NSD1: variants seen among roughly 807,000 people sequenced by gnomAD.
NSD1 encodes the protein histone-lysine N-methyltransferase, H3 lysine-36 specific.
In NSD1, 26 loss-of-function variants were observed where a neutral mutation model predicts 242.7. The observed-to-expected ratio is 0.11, with a 90% CI of 0.08 to 0.15. The LOEUF is 0.15. NSD1 is among the 10% of genes least tolerant of loss of function. NSD1 has a pLI of 1.00. For missense variants in NSD1, 2,495 were observed against 3,272.8 expected (o/e 0.76, Z 5.80); for synonymous variants, 1,106 against 1,178.1 (o/e 0.94, Z 1.25).
At chr5:177,276,973 A>G (rs1758442196) in intron 17 of NSD1, among the ~76,000 whole-genome samples, 1 of 152,240 alleles carries the variant, frequency 6.6e-6, no homozygotes, top group Non-Finnish European at 1.5e-5. Flanking sequence ...GTTAGGCCTC[A>G]GAAATGGAAA....
intron 3 of NSD1, among the ~76,000 whole-genome samples, chr5:177,198,784 C>T (rs935936057): frequency 2.6e-5 from 4 of 152,128 alleles, no homozygotes; most frequent in African/African-American, 9.7e-5. Context: ...TAGTGATAGT[C>T]TTTATCCAGG....
At chr5:177,275,496 C>T (rs1389426553) in intron 17 of NSD1, among the ~76,000 whole-genome samples, 35 of 127,134 alleles carry the variant, frequency 2.8e-4, no homozygotes, top group Non-Finnish European at 4.4e-4. Context: ...TGCAGTGGCA[C>T]GATCTTGGCT....
At position 177,135,320 on chromosome 5, in the gene NSD1, C is replaced by A; in HGVS notation, c.217C>A (p.Arg73=). Reference sequence around the variant, plus strand: ...TTCTCCATCTTGTTACATTCCACTGCGGAGACTACAGGATTTGGCCTCCAT... The same window carrying A: ...TTCTCCATCTTGTTACATTCCACTGAGGAGACTACAGGATTTGGCCTCCAT... ...QDSPSCYIPL[R]RLQDLASMIN... Residue 73 remains arginine (R), a synonymous_variant, in exon 2 of 23, where the codon CGG becomes AGG. Transcript: ENST00000439151. 1 of 1,613,178 alleles carries A rather than the reference C, an allele frequency of 6.2e-7. No individual in the cohort carries two copies. The highest frequency in any genetic ancestry group is 8.5e-7 in the Non-Finnish European group (1 of 1,179,174).
At chr5:177,206,010 TA>T (rs970155736) in intron 4 of NSD1, among the ~76,000 whole-genome samples, 19 of 152,182 alleles carry the variant, frequency 1.2e-4, no homozygotes, top group African/African-American at 4.6e-4. Flanking sequence ...TTATTATTAT[TA>T]TTTTTTTAAA....
intron 16 of NSD1, 50 bp from the exon 17 acceptor site, chr5:177,273,622 G>A: frequency 7.4e-7 from 1 of 1,358,246 alleles, no homozygotes; most frequent in African/African-American, 1.4e-5. Context: ...GAATAAATAA[G>A]TAATTCCACC....
chr5:177,161,734 G>A lies in NSD1; in HGVS notation c.927+25704G>A, dbSNP rs1581169892. Among the ~76,000 whole-genome samples, 5 of 141,950 alleles carry A rather than the reference G, an allele frequency of 3.5e-5. No individual in the cohort carries two copies. The South Asian group carries it at 6.6e-4, about 19-fold the overall frequency. 93.1% of individuals were successfully genotyped at this position (141,950 alleles called of 152,430 possible). On this transcript the variant is annotated intron_variant, in intron 2 of 22. Coordinates refer to ENST00000439151, the MANE Select transcript of NSD1 (RefSeq NM_022455.5). ...GAGATAGAGTCCAGCCTGGAGTGCT[G>A]TGGCATGATCTTGGCACACTTGCAA...
chr5:177,269,839 C>A lies in NSD1; in HGVS notation c.5509+32C>A. 1 of 1,567,800 alleles carries A rather than the reference C, an allele frequency of 6.4e-7. No homozygotes were observed. ...TTATCCTTTTTGTTTCTCAGGCAAACACAGACCTCTGTTACCTGAGTGTCT... is the reference window on the plus strand; with the variant it reads ...TTATCCTTTTTGTTTCTCAGGCAAAAACAGACCTCTGTTACCTGAGTGTCT... On this transcript the variant is annotated intron_variant, in intron 16 of 22. Transcript: ENST00000439151. The surrounding 1 kb of genome is among the most constrained non-coding windows in gnomAD (Gnocchi z 5.1).
Position 177,135,588 on chromosome 5 carries a change from C to T in NSD1, c.485C>T (p.Ala162Val), listed in dbSNP as rs2149756155. 6.2e-7 allele frequency: 1 copy of T among 1,614,142 alleles called. No individual in the cohort carries two copies. The highest frequency in any genetic ancestry group is 8.5e-7 in the Non-Finnish European group (1 of 1,180,028). The change falls in exon 2 of 23, where the codon GCA becomes GTA. Residue 162 changes from alanine to valine, a missense_variant. Ala to Val is a moderately conservative substitution (Grantham distance 64, BLOSUM62 0). Coordinates refer to ENST00000439151, the MANE Select transcript of NSD1 (RefSeq NM_022455.5). ...GAGAATTTTACTTGTGTGGACGATG[C>T]AGATGTAGATTCTGAAATGGACCCA... ...HFENFTCVDD[A>V]DVDSEMDPEQ...
At chr5:177,201,637 C>A (rs1247992614) in intron 3 of NSD1, among the ~76,000 whole-genome samples, 4 of 150,910 alleles carry the variant, frequency 2.7e-5, no homozygotes, top group African/African-American at 9.7e-5. Context: ...CAGCTCACTG[C>A]AACCCCCGCC....
At chr5:177,225,169 C>T (rs927036823) in intron 5 of NSD1, among the ~76,000 whole-genome samples, 1 of 152,040 alleles carries the variant, frequency 6.6e-6, no homozygotes, top group Non-Finnish European at 1.5e-5. Flanking sequence ...ATTTTTGAGA[C>T]GGAGTTTCGC....
At position 177,257,106 on chromosome 5, in the gene NSD1, A is replaced by G. The variant is rs747482559; in HGVS notation, c.4921A>G (p.Ile1641Val). The part of the protein sequence containing the change: ...KGFRCSLHIC[I>V]TCHAANPANV... ...CTTCCGGTGCTCCCTCCACATCTGT[A>G]TAACCTGTCATGCTGCTAATCCAGC... The change falls in exon 13 of 23, where the codon ATA becomes GTA. Residue 1641 changes from isoleucine to valine, a missense_variant. Physicochemically the swap from Ile to Val is conservative, Grantham distance 29. Transcript: ENST00000439151. 1 of 1,614,112 alleles carries G rather than the reference A, an allele frequency of 6.2e-7. No homozygotes were observed. Among genetic ancestry groups the G allele is most frequent in the Non-Finnish European group, 8.5e-7 (1 of 1,180,014 alleles).
rs776629847 is a variant in NSD1, at chr5:177,146,351, G to A, written c.927+10321G>A. Among the ~76,000 whole-genome samples, 14 of 151,738 alleles carry A rather than the reference G, an allele frequency of 9.2e-5. No homozygotes were observed. The East Asian group carries it at 1.2e-3, about 13-fold the overall frequency. ...CTCCTGAGTAGCTGGGACTACAGGC[G>A]TGTGCTATGACGCCCAGCTAGTTTT... On this transcript the variant is annotated intron_variant, in intron 2 of 22. Transcript: ENST00000439151.
chr5:177,278,751 C>T (rs1581521441), intron 17 of NSD1, among the ~76,000 whole-genome samples: 1 of 152,182 alleles, frequency 6.6e-6, no homozygotes, highest in East Asian at 1.9e-4. Flanking sequence ...CAAAATCACA[C>T]AGTTCCTGAA....
At chr5:177,214,081 C>T (rs1215112840) in intron 5 of NSD1, among the ~76,000 whole-genome samples, 1 of 152,050 alleles carries the variant, frequency 6.6e-6, no homozygotes, top group African/African-American at 2.4e-5. Flanking sequence ...CCTGTAATTC[C>T]AGCACTCTGG....
At chr5:177,287,821 A>G (rs1158615410) in intron 20 of NSD1, among the ~76,000 whole-genome samples, 5 of 152,184 alleles carry the variant, frequency 3.3e-5, no homozygotes, top group Middle Eastern at 3.2e-3. Context: ...TGCTACTCCT[A>G]CAGCATGACC....
At chr5:177,192,848 T>C (rs771079702) in intron 3 of NSD1, among the ~76,000 whole-genome samples, 4 of 152,202 alleles carry the variant, frequency 2.6e-5, no homozygotes, top group Non-Finnish European at 5.9e-5. Flanking sequence ...ACATTCTCAA[T>C]TATTCTGTTG....
At chr5:177,150,284 C>T (rs1215671015) in intron 2 of NSD1, among the ~76,000 whole-genome samples, 1 of 152,090 alleles carries the variant, frequency 6.6e-6, no homozygotes, top group African/African-American at 2.4e-5. Context: ...CAGGCACCCG[C>T]CACGACGCCT....
rs1420101248 is a variant in NSD1 at position 177,184,286 on chromosome 5, CTTTTCTTTTG to C, written c.928-7597_928-7588del. On this transcript the variant is annotated intron_variant, in intron 2 of 22. Transcript: ENST00000439151. ...TCCCTTTTCTCCACATCCTTTTATT[CTTTTCTTTTG>C]GATAAAAGCCATTTTATCTGTTTGA... 1.1e-4 allele frequency among the ~76,000 whole-genome samples: 16 copies of C among 152,182 alleles called. No homozygotes were observed. The East Asian group carries it at 2.1e-3, about 20-fold the overall frequency.
intron 17 of NSD1, 133 bp downstream of exon 17, chr5:177,273,917 C>A: frequency 1.5e-6 from 1 of 660,518 alleles, no homozygotes; most frequent in Non-Finnish European, 2.7e-6. Context: ...AAAAGAAGAT[C>A]AGAAATAGCC....
Sources: gnomAD v4.1 joint callset for allele counts (sites outside exome capture counted in the v4.1 genomes callset) on GRCh38, gnomAD v4.1.1 for gene constraint, Gnocchi (gnomAD v3.1) non-coding constraint, MANE v1.5 for transcripts, NCBI Gene and HGNC (gene_info 2026-07-23, HGNC 2026-07-21) for gene names.